The following GATD1 variants were observed in gnomAD, a reference collection of about 807,000 sequenced individuals.
GATD1 encodes glutamine amidotransferase class 1 domain containing 1.
In GATD1, 23 loss-of-function variants were observed where a neutral mutation model predicts 25.9. That is an observed-to-expected ratio of 0.89 (90% confidence interval 0.64 to 1.26). The LOEUF is 1.26. Among genes scored for constraint, GATD1 ranks in the 50% most tolerant of loss-of-function variants. The pLI, the probability that GATD1 is intolerant of heterozygous loss-of-function variation, is 0.00. For synonymous variants in GATD1, 177 were observed against 134.6 expected, an observed-to-expected ratio of 1.31 and a Z score of -2.18; for missense variants, 347 against 312.5, an observed-to-expected ratio of 1.11 and a Z score of -0.83.
Position 769,933 on chromosome 11 carries a change from A to C in GATD1, c.*964T>G, listed in dbSNP as rs1476029823. The C allele has an allele frequency of 1.0e-6, 1 of 997,406 alleles. No homozygotes were observed. The highest frequency in any genetic ancestry group is 6.0e-5 in the Admixed American group (1 of 16,564). The allele number at this position is 997,406 out of a possible 1,614,324, so 61.8% of individuals were successfully genotyped here. ...GCCCGGCCCAACTGAACGGTTTTAT[A>C]ATCACAAGGGGCCTCCTGGCAGGTC... On this transcript the variant is annotated 3_prime_UTR_variant, in exon 8 of 8. Transcript: ENST00000319863.
chr11:769,331 T>C lies in GATD1; in HGVS notation c.*1566A>G, dbSNP rs1002100898. On this transcript the variant is annotated 3_prime_UTR_variant, in exon 8 of 8. Coordinates refer to ENST00000319863, the MANE Select transcript of GATD1 (RefSeq NM_182612.4). The stretch of plus-strand genomic sequence containing the variant: ...ATTGAACGGCTTTATTTTATTATTT[T>C]TTATTTTTGAGACGGAGTTTCACTC... The C allele has an allele frequency of 3.1e-6, 3 of 979,950 alleles. No homozygotes were observed. Among genetic ancestry groups the C allele is most frequent in the Non-Finnish European group, 3.6e-6 (3 of 826,074 alleles). 60.7% of individuals were successfully genotyped at this position (979,950 alleles called of 1,614,324 possible).
Position 773,878 on chromosome 11 carries a change from G to A in GATD1, c.247+130C>T, listed in dbSNP as rs551714710. 490 of 795,682 alleles carry A rather than the reference G, an allele frequency of 6.2e-4. 1 individual carries two copies. Among genetic ancestry groups the A allele is most frequent in the South Asian group, 7.5e-4 (44 of 58,502 alleles). The allele number at this position is 795,682 out of a possible 1,614,324, so 49.3% of individuals were successfully genotyped here. A position where few individuals can be genotyped will look rare whatever the true frequency, so the allele number is the denominator to read the frequency against. On this transcript the variant is annotated intron_variant, in intron 3 of 7. Coordinates refer to ENST00000319863, the MANE Select transcript of GATD1 (RefSeq NM_182612.4). ...TGGGGCCCAGGATGTGGGGCTGGAG[G>A]CTGCCCCAAATGGTCACAGGGCTTC...
At chr11:776,501 C>T (rs7122304) in intron 1 of GATD1, among the ~76,000 whole-genome samples, 2,575 of 152,036 alleles carry the variant, frequency 0.017, 34 homozygotes, top group Middle Eastern at 0.037. Context: ...CCCAACCCAC[C>T]CCCCCAGGAC....
Position 770,369 on chromosome 11 carries a change from G to A in GATD1, c.*528C>T, listed in dbSNP as rs879518386. ...TCAACAGGAAAGTGCTGCCAGTGCC[G>A]GTCGGCCTTGGGGCAGGAGGCTGCT... On this transcript the variant is annotated 3_prime_UTR_variant, in exon 8 of 8. Transcript: ENST00000319863. 1.8e-5 allele frequency: 28 copies of A among 1,533,128 alleles called. No homozygotes were observed. The highest frequency in any genetic ancestry group is 4.0e-5 in the Admixed American group (2 of 50,392). The allele number at this position is 1,533,128 out of a possible 1,614,324, so 95.0% of individuals were successfully genotyped here.
chr11:771,553 T>A, intron 5 of GATD1, 127 bp from the exon 6 acceptor site: 6 of 1,417,158 alleles, frequency 4.2e-6, no homozygotes, highest in Non-Finnish European at 5.5e-6. Flanking sequence ...TCACTGCTCA[T>A]AACAGGGACA....
chr11:774,926 G>A, intron 2 of GATD1, 140 bp downstream of exon 2: 1 of 693,210 alleles, frequency 1.4e-6, no homozygotes, highest in Non-Finnish European at 2.5e-6. Context: ...ACCAGGGTTT[G>A]GTTACAGACT....
chr11:773,253 G>C (rs1272650029), intron 4 of GATD1: 1 of 429,180 alleles, frequency 2.3e-6, no homozygotes. Context: ...AATCAGGCCG[G>C]TGTCCTGCCT....
intron 1 of GATD1, 64 bp from the exon 2 acceptor site, chr11:775,206 C>T (rs755906033): frequency 1.5e-6 from 2 of 1,375,188 alleles, no homozygotes; most frequent in Non-Finnish European, 2.0e-6. Context: ...AGGGGGCTAC[C>T]CAGACACCCC....
In GATD1 at chr11:777,483, T is replaced by C. The variant is rs1229328734; in HGVS notation, c.-21A>G. On this transcript the variant is annotated 5_prime_UTR_variant, in exon 1 of 8. Transcript: ENST00000319863. ...GCCATGGCTCGGGCTCGGCGCTGGGTCTGCGCGTGCGCGGCGTCTGGGCGC... is the reference window on the plus strand; with the variant it reads ...GCCATGGCTCGGGCTCGGCGCTGGGCCTGCGCGTGCGCGGCGTCTGGGCGC... The C allele has an allele frequency of 5.8e-6, 7 of 1,204,906 alleles. No individual in the cohort carries two copies. The highest frequency in any genetic ancestry group is 6.2e-6 in the Non-Finnish European group (6 of 969,468). The allele number at this position is 1,204,906 out of a possible 1,614,324, so 74.6% of individuals were successfully genotyped here. A position where few individuals can be genotyped will look rare whatever the true frequency, so the allele number is the denominator to read the frequency against.
Position 769,868 on chromosome 11 carries a change from G to A in GATD1, c.*1029C>T, listed in dbSNP as rs1014320275. ...CCTGACCTCGTGATCCGCCCGCCTC[G>A]GCCTCCCAAAGTGCTGGGGTTACAG... On this transcript the variant is annotated 3_prime_UTR_variant, in exon 8 of 8. Transcript: ENST00000319863. 1.8e-5 allele frequency: 17 copies of A among 941,170 alleles called. No homozygotes were observed. The South Asian group carries it at 2.0e-4, about 11-fold the overall frequency. The allele number at this position is 941,170 out of a possible 1,614,324, so 58.3% of individuals were successfully genotyped here. A position where few individuals can be genotyped will look rare whatever the true frequency, so the allele number is the denominator to read the frequency against.
chr11:777,331 A>C, intron 1 of GATD1, 68 bp downstream of exon 1: 1 of 1,170,550 alleles, frequency 8.5e-7, no homozygotes, highest in Non-Finnish European at 1.1e-6. Context: ...CCGTGTCCCG[A>C]ACCTCCCGCC....
In GATD1 at chr11:770,747, C is replaced by T. The variant is rs559154030; in HGVS notation, c.*150G>A. 1.1e-5 allele frequency: 16 copies of T among 1,498,858 alleles called. No homozygotes were observed. In the South Asian group the frequency reaches 1.1e-4, roughly 10 times the overall value. 92.8% of individuals were successfully genotyped at this position (1,498,858 alleles called of 1,614,324 possible). A position where few individuals can be genotyped will look rare whatever the true frequency, so the allele number is the denominator to read the frequency against. On this transcript the variant is annotated 3_prime_UTR_variant, in exon 8 of 8. Transcript: ENST00000319863. ...GCCGACACCCCCTCAGAGCTGATTCCAGGAGGCCTCCAACAATCCCATCAG... is the reference window on the plus strand; with the variant it reads ...GCCGACACCCCCTCAGAGCTGATTCTAGGAGGCCTCCAACAATCCCATCAG...
intron 2 of GATD1, 84 bp downstream of exon 2, chr11:774,982 C>A (rs7952095): frequency 0.5 from 631,546 of 1,270,550 alleles, 159,581 homozygotes; most frequent in Admixed American, 0.6. Context: ...CCTCCCAGGC[C>A]GCGGCGGCAG....
chr11:774,451 C>T (rs1163346570), intron 2 of GATD1, among the ~76,000 whole-genome samples: 1 of 152,262 alleles, frequency 6.6e-6, no homozygotes, highest in Admixed American at 6.5e-5. Context: ...GAGAATTCCT[C>T]CCAGTGGAAA....
Position 773,544 on chromosome 11 carries a change from C to T in GATD1, c.333G>A (p.Leu111=), listed in dbSNP as rs376426327. Residue 111 remains leucine (L), a synonymous_variant, in exon 4 of 8, where the codon CTG becomes CTA. Coordinates refer to ENST00000319863, the MANE Select transcript of GATD1 (RefSeq NM_182612.4). The part of the protein sequence containing the change: ...LASSGSLARI[L]QHFHSESKPI... Reference sequence around the variant, plus strand: ...TACTGCTCTCAGAGTGGAAGTGCTGCAGGATACGGGCCAGGGAGCCACTGC... The same window carrying T: ...TACTGCTCTCAGAGTGGAAGTGCTGTAGGATACGGGCCAGGGAGCCACTGC... 7 of 1,610,704 alleles carry T rather than the reference C, an allele frequency of 4.3e-6. No individual in the cohort carries two copies. Among genetic ancestry groups the T allele is most frequent in the South Asian group, 1.1e-5 (1 of 90,784 alleles).
Position 771,532 on chromosome 11 carries a change from G to C in GATD1, c.451-106C>G, listed in dbSNP as rs1191089333. The C allele has an allele frequency of 7.7e-6, 11 of 1,430,972 alleles. 1 individual carries two copies. In the South Asian group the frequency reaches 1.5e-4, roughly 20 times the overall value. 88.6% of individuals were successfully genotyped at this position (1,430,972 alleles called of 1,614,324 possible). A position where few individuals can be genotyped will look rare whatever the true frequency, so the allele number is the denominator to read the frequency against. Reference sequence around the variant, plus strand: ...CAGGGAGCCTCACCCAACCAAGTGGGACCGGGGGTGTCACTGCTCATAACA... The same window carrying C: ...CAGGGAGCCTCACCCAACCAAGTGGCACCGGGGGTGTCACTGCTCATAACA... On this transcript the variant is annotated intron_variant, in intron 5 of 7. Coordinates refer to ENST00000319863, the MANE Select transcript of GATD1 (RefSeq NM_182612.4).
chr11:770,642 C>T lies in GATD1; in HGVS notation c.*255G>A. The T allele has an allele frequency of 2.8e-6, 4 of 1,419,864 alleles. No individual in the cohort carries two copies. The highest frequency in any genetic ancestry group is 3.7e-6 in the Non-Finnish European group (4 of 1,090,954). The allele number at this position is 1,419,864 out of a possible 1,614,324, so 88.0% of individuals were successfully genotyped here. ...GAGGACCACCTAGCAGCTAGCACAG[C>T]TCTCCAGGCACGTGGGGTCTTTTCT... On this transcript the variant is annotated 3_prime_UTR_variant, in exon 8 of 8. Transcript: ENST00000319863.
At position 773,568 on chromosome 11, in the gene GATD1, G is replaced by A. The variant is rs542789675; in HGVS notation, c.309C>T (p.Ser103=). 4 of 1,610,974 alleles carry A rather than the reference G, an allele frequency of 2.5e-6. No individual in the cohort carries two copies. In the South Asian group the frequency reaches 3.3e-5, roughly 13 times the overall value. The change falls in exon 4 of 8, where the codon AGC becomes AGT. Residue 103 remains serine, a synonymous_variant. Transcript: ENST00000319863. ...GCAGGATACGGGCCAGGGAGCCACT[G>A]CTGGCCAGGTCGGTCAGGGCCCCAG... ...SCPGALTDLA[S]SGSLARILQH...
rs368040627 is a variant in GATD1, at chr11:774,232, C to T, written c.142-119G>A. ...GCATCCCCCTGAGGCACAAAGGCCC[C>T]CGACCACCCAGCCTCCTTCACGGGA... On this transcript the variant is annotated intron_variant, in intron 2 of 7. Transcript: ENST00000319863. The T allele has an allele frequency of 1.1e-4, 83 of 758,826 alleles. No individual in the cohort carries two copies. The East Asian group carries it at 1.6e-3, about 15-fold the overall frequency. 47.0% of individuals were successfully genotyped at this position (758,826 alleles called of 1,614,324 possible). A position where few individuals can be genotyped will look rare whatever the true frequency, so the allele number is the denominator to read the frequency against.
Sources: allele counts gnomAD v4.1 joint callset (sites outside exome capture counted in the v4.1 genomes callset), GRCh38; gene constraint gnomAD v4.1.1; transcripts MANE v1.5; gene names NCBI Gene and HGNC (gene_info 2026-07-23, HGNC 2026-07-21).